Variants in PAN3 observed in about 807,000 individuals in gnomAD.
The protein encoded by PAN3 is PAN2-PAN3 deadenylation complex subunit PAN3.
In PAN3, 19 loss-of-function variants were observed where a neutral mutation model predicts 96.2. The observed-to-expected ratio is 0.20, with a 90% CI of 0.14 to 0.29. The LOEUF is 0.29. Among genes scored for constraint, PAN3 ranks in the 10% least tolerant of loss-of-function variants. PAN3 has a pLI of 1.00. For missense variants in PAN3, 882 were observed against 1,108.1 expected (o/e 0.80, Z 2.90); for synonymous variants, 433 against 406.6 (o/e 1.06, Z -0.78).
intron 6 of PAN3, among the ~76,000 whole-genome samples, chr13:28,254,808 G>T (rs1326972033): frequency 6.6e-6 from 1 of 152,010 alleles, no homozygotes. Context: ...AGTAGACATT[G>T]TGTTATAGTA....
intron 5 of PAN3, among the ~76,000 whole-genome samples, chr13:28,202,857 C>T (rs993611806): frequency 2.6e-5 from 4 of 152,114 alleles, no homozygotes; most frequent in Non-Finnish European, 4.4e-5. Context: ...AAAGTAATTG[C>T]GGTTTTGCCA....
chr13:28,222,730 T>C (rs1441445255), intron 6 of PAN3, among the ~76,000 whole-genome samples: 1 of 152,176 alleles, frequency 6.6e-6, no homozygotes, highest in Non-Finnish European at 1.5e-5. Context: ...AATAAAGAGT[T>C]TATTTACCTA....
In PAN3 at chr13:28,238,940, G is replaced by A. The variant is rs1444662722; in HGVS notation, c.1001-17352G>A. On this transcript the variant is annotated intron_variant, in intron 6 of 18. Coordinates refer to ENST00000380958, the MANE Select transcript of PAN3 (RefSeq NM_175854.8). ...TTTGGGTTTAGACATAATAAGGAAGGCAAGCCACTATTTGAGGTCTTGAAA... is the reference window on the plus strand; with the variant it reads ...TTTGGGTTTAGACATAATAAGGAAGACAAGCCACTATTTGAGGTCTTGAAA... 3.3e-5 allele frequency among the ~76,000 whole-genome samples: 5 copies of A among 151,892 alleles called. No homozygotes were observed. The South Asian group carries it at 1.0e-3, about 31-fold the overall frequency.
chr13:28,158,747 G>A (rs1872533133), intron 1 of PAN3, among the ~76,000 whole-genome samples: 1 of 151,928 alleles, frequency 6.6e-6, no homozygotes, highest in Non-Finnish European at 1.5e-5. Flanking sequence ...GTGTGGTGGT[G>A]GGCGCCTGTA....
At chr13:28,258,948 A>G (rs909013932) in intron 7 of PAN3, among the ~76,000 whole-genome samples, 16 of 152,056 alleles carry the variant, frequency 1.1e-4, no homozygotes, top group Admixed American at 9.2e-4. Context: ...ATTACTTCTC[A>G]TTTGTTGTAT....
intron 6 of PAN3, among the ~76,000 whole-genome samples, chr13:28,221,541 A>G (rs1226075536): frequency 6.6e-6 from 1 of 152,136 alleles, no homozygotes. Flanking sequence ...TAAAGATAAC[A>G]CAGTGGCGCA....
intron 6 of PAN3, among the ~76,000 whole-genome samples, chr13:28,246,290 T>G (rs1016057047): frequency 4.6e-5 from 7 of 152,182 alleles, no homozygotes; most frequent in African/African-American, 1.7e-4. Flanking sequence ...ATATTCTTAT[T>G]CATACTAGAC....
At chr13:28,234,828 T>G (rs1338655857) in intron 6 of PAN3, among the ~76,000 whole-genome samples, 43 of 152,174 alleles carry the variant, frequency 2.8e-4, no homozygotes, top group Non-Finnish European at 5.9e-5. Flanking sequence ...GTGATCTTCA[T>G]TTTCCATATC....
intron 17 of PAN3, among the ~76,000 whole-genome samples, chr13:28,287,566 G>A (rs980532273): frequency 1.3e-5 from 2 of 152,186 alleles, no homozygotes; most frequent in African/African-American, 4.8e-5. Flanking sequence ...GTAGGAAACC[G>A]ATATTTACTT....
Position 28,293,416 on chromosome 13 carries a change from TGGGC to T in PAN3, c.*898_*901del, listed in dbSNP as rs1870005982. On this transcript the variant is annotated 3_prime_UTR_variant, in exon 19 of 19. Coordinates refer to ENST00000380958, the MANE Select transcript of PAN3 (RefSeq NM_175854.8). ...TTTTTTTTTTTTTTTTTTTTTTTTT[TGGGC>T]GGGGGGGAGGTTTATGAAGTTTTGC... 1.4e-5 allele frequency: 1 copy of T among 69,030 alleles called. No homozygotes were observed. Among genetic ancestry groups the T allele is most frequent in the Non-Finnish European group, 2.9e-5 (1 of 34,164 alleles). The allele number at this position is 69,030 out of a possible 1,614,324, so 4.3% of individuals were successfully genotyped here.
chr13:28,252,353 GGTTGTAT>G (rs887515088), intron 6 of PAN3, among the ~76,000 whole-genome samples: 14 of 151,776 alleles, frequency 9.2e-5, no homozygotes, highest in Non-Finnish European at 1.8e-4. Context: ...CTAACTGGTT[GGTTGTAT>G]TTAGGAAGGG....
At chr13:28,261,950 C>A (rs1368320109) in intron 9 of PAN3, among the ~76,000 whole-genome samples, 1 of 151,538 alleles carries the variant, frequency 6.6e-6, no homozygotes, top group Admixed American at 6.6e-5. Flanking sequence ...TTTTAGAATT[C>A]ATGGTGATTT....
chr13:28,250,601 A>G (rs1000456817), intron 6 of PAN3, among the ~76,000 whole-genome samples: 15 of 152,150 alleles, frequency 9.9e-5, no homozygotes, highest in African/African-American at 3.6e-4. Flanking sequence ...TCCTGACCTC[A>G]GGTGACCCAC....
intron 5 of PAN3, among the ~76,000 whole-genome samples, chr13:28,207,466 G>A (rs1879510587): frequency 6.6e-6 from 1 of 152,084 alleles, no homozygotes. Context: ...CCCTTATGAA[G>A]GCATCCAAGC....
intron 8 of PAN3, 139 bp from the exon 9 acceptor site, chr13:28,261,262 T>C: frequency 4.1e-6 from 2 of 486,376 alleles, no homozygotes; most frequent in Non-Finnish European, 7.1e-6. Context: ...TGTTTAGAAA[T>C]GTTTTAATAT....
In PAN3 at chr13:28,167,699, C is replaced by A. The variant is rs539680393; in HGVS notation, c.431-6573C>A. Among the ~76,000 whole-genome samples the A allele has an allele frequency of 6.0e-4, 89 of 147,822 alleles. 1 individual carries two copies. Among genetic ancestry groups the A allele is most frequent in the African/African-American group, 2.2e-3 (88 of 40,150 alleles). On this transcript the variant is annotated intron_variant, in intron 1 of 18. Transcript: ENST00000380958. The stretch of plus-strand genomic sequence containing the variant: ...AAAAAAAAAAAAAAAAAAAAATTAG[C>A]TGGGTGTGGTGGCTCATTCCTGTAG...
chr13:28,227,282 ACTGGTTGTGGAATCC>A (rs1257807220), intron 6 of PAN3, among the ~76,000 whole-genome samples: 2 of 152,152 alleles, frequency 1.3e-5, no homozygotes, highest in African/African-American at 4.8e-5. Flanking sequence ...ATAATATTCT[ACTGGTTGTGGAATCC>A]CTGGTTAATG....
chr13:28,138,681 G>C lies in PAN3; in HGVS notation c.24G>C (p.Pro8=). 1.1e-6 allele frequency: 1 copy of C among 906,808 alleles called. No homozygotes were observed. The highest frequency in any genetic ancestry group is 2.7e-5 in the South Asian group (1 of 37,284). The allele number at this position is 906,808 out of a possible 1,614,324, so 56.2% of individuals were successfully genotyped here. MNSGGGL[P]PPSAAASPSS... Reference sequence around the variant, plus strand: ...CCATGAACAGTGGCGGCGGCCTCCCGCCCCCCTCGGCCGCCGCCTCCCCTT... The same window carrying C: ...CCATGAACAGTGGCGGCGGCCTCCCCCCCCCCTCGGCCGCCGCCTCCCCTT... Residue 8 remains proline, a synonymous_variant, in exon 1 of 19, where the codon CCG becomes CCC. Transcript: ENST00000380958.
chr13:28,151,408 G>A (rs1166607015), intron 1 of PAN3, among the ~76,000 whole-genome samples: 1 of 151,966 alleles, frequency 6.6e-6, no homozygotes, highest in Non-Finnish European at 1.5e-5. Context: ...CCAGCTACTC[G>A]GCAGGCTGAG....
Sources: gnomAD v4.1 joint callset for allele counts (sites outside exome capture counted in the v4.1 genomes callset) on GRCh38, gnomAD v4.1.1 for gene constraint, MANE v1.5 for transcripts, NCBI Gene and HGNC (gene_info 2026-07-23, HGNC 2026-07-21) for gene names.